PLCL1: variants seen among roughly 807,000 people sequenced by gnomAD.
The protein encoded by PLCL1 is phospholipase C like 1 (inactive), also known as inactive phospholipase C-like protein 1.
A neutral mutation model predicts 84.4 loss-of-function variants in PLCL1; 41 were observed. The observed-to-expected ratio is 0.49, with a 90% confidence interval of 0.38 to 0.63. The LOEUF is 0.63. Ranked by LOEUF, PLCL1 falls within the 30% of genes least tolerant of loss-of-function variation. PLCL1 has a pLI of 0.00. For missense variants in PLCL1, 1,206 were observed against 1,367.8 expected (o/e 0.88, Z 1.87); for synonymous variants, 490 against 488.3 (o/e 1.00, Z -0.05).
In PLCL1 at chr2:197,805,083, C is replaced by A; in HGVS notation, c.-17C>A. 1 of 1,419,552 alleles carries A rather than the reference C, an allele frequency of 7.0e-7. No homozygotes were observed. The highest frequency in any genetic ancestry group is 9.2e-7 in the Non-Finnish European group (1 of 1,092,862). The allele number at this position is 1,419,552 out of a possible 1,614,324, so 87.9% of individuals were successfully genotyped here. On this transcript the variant is annotated 5_prime_UTR_variant, in exon 1 of 6. Coordinates refer to ENST00000428675, the MANE Select transcript of PLCL1 (RefSeq NM_006226.4). This position sits in a 1 kb window ranked among gnomAD's most constrained non-coding sequence, Gnocchi z 4.0. ...GGCGTCCCGCTTTCCCCCGGGGAGC[C>A]CTAAACGCTCCAGGCCATGGCCGAG...
chr2:197,918,982 CAT>C (rs1329010414), intron 1 of PLCL1, among the ~76,000 whole-genome samples: 3 of 151,738 alleles, frequency 2.0e-5, no homozygotes, highest in African/African-American at 4.8e-5. Context: ...CACACACACA[CAT>C]ACACACACAA....
At chr2:198,143,947 G>A (rs554405035) in intron 5 of PLCL1, among the ~76,000 whole-genome samples, 97 of 151,462 alleles carry the variant, frequency 6.4e-4, no homozygotes, top group Non-Finnish European at 1.2e-3. Context: ...TGTCTCCAGG[G>A]TTATCAGGAG....
At position 197,885,722 on chromosome 2, in the gene PLCL1, C is replaced by T. The variant is rs146528427; in HGVS notation, c.240+80383C>T. On this transcript the variant is annotated intron_variant, in intron 1 of 5. Coordinates refer to ENST00000428675, the MANE Select transcript of PLCL1 (RefSeq NM_006226.4). ...CTTTCTAACTTCATGTCCAAGACAT[C>T]CTTTGTTTCGCTATCTAATTATATT... 5.8e-4 allele frequency among the ~76,000 whole-genome samples: 89 copies of T among 152,350 alleles called. 4 individuals carry two copies. In the South Asian group the frequency reaches 0.014, roughly 24 times the overall value.
intron 1 of PLCL1, among the ~76,000 whole-genome samples, chr2:197,895,523 A>T (rs1317943459): frequency 6.6e-6 from 1 of 152,000 alleles, no homozygotes; most frequent in African/African-American, 2.4e-5. Flanking sequence ...ATATTTATAA[A>T]GCAGGTTGTA....
chr2:197,901,871 C>T (rs911187090), intron 1 of PLCL1, among the ~76,000 whole-genome samples: 1 of 152,102 alleles, frequency 6.6e-6, no homozygotes, highest in African/African-American at 2.4e-5. Flanking sequence ...TCCAGGTCCT[C>T]TCATTTCGAC....
chr2:198,125,575 A>G (rs1429414223), intron 5 of PLCL1, among the ~76,000 whole-genome samples: 1 of 152,108 alleles, frequency 6.6e-6, no homozygotes, highest in Non-Finnish European at 1.5e-5. Flanking sequence ...AGAAAAGAAT[A>G]TGTGGGTGGA....
Position 198,088,982 on chromosome 2 carries a change from T to A in PLCL1, c.2840T>A (p.Met947Lys). 6.2e-7 allele frequency: 1 copy of A among 1,613,922 alleles called. No homozygotes were observed. The highest frequency in any genetic ancestry group is 8.5e-7 in the Non-Finnish European group (1 of 1,179,768). The change falls in exon 3 of 6, where the codon ATG becomes AAG. Residue 947 changes from methionine (M) to lysine (K), a missense_variant. Coordinates refer to ENST00000428675, the MANE Select transcript of PLCL1 (RefSeq NM_006226.4). ...SDNTPSVSLVMKDSFPYLEPL... is the reference protein window; with the variant it reads ...SDNTPSVSLVKKDSFPYLEPL... ...AATACTCCTTCAGTCTCACTTGTGA[T>A]GAAAGACAGCTTTCCTTACCTGGAG... is the stretch of plus-strand genomic sequence containing the variant.
At chr2:197,975,431 A>T (rs909224013) in intron 1 of PLCL1, among the ~76,000 whole-genome samples, 1 of 152,108 alleles carries the variant, frequency 6.6e-6, no homozygotes, top group East Asian at 1.9e-4. Context: ...GCCTTAGTTT[A>T]TTCTTCCAGT....
At chr2:197,875,649 T>C (rs1428769553) in intron 1 of PLCL1, among the ~76,000 whole-genome samples, 2 of 152,104 alleles carry the variant, frequency 1.3e-5, no homozygotes, top group Admixed American at 1.3e-4. Context: ...GCTCCCGACA[T>C]AACACCCAAT....
intron 1 of PLCL1, among the ~76,000 whole-genome samples, chr2:197,906,072 TA>T (rs1688375890): frequency 6.6e-6 from 1 of 152,230 alleles, no homozygotes; most frequent in Non-Finnish European, 1.5e-5. Flanking sequence ...TTAGTTTAAT[TA>T]GATCCCATTT....
intron 5 of PLCL1, among the ~76,000 whole-genome samples, chr2:198,126,976 G>A (rs920222159): frequency 6.7e-6 from 1 of 148,858 alleles, no homozygotes; most frequent in Non-Finnish European, 1.5e-5. Flanking sequence ...AGCTAGTACA[G>A]TGAATGAGTG....
At chr2:197,887,622 G>A (rs532730719) in intron 1 of PLCL1, among the ~76,000 whole-genome samples, 1 of 152,156 alleles carries the variant, frequency 6.6e-6, no homozygotes, top group African/African-American at 2.4e-5. Flanking sequence ...AATTTCAGAG[G>A]TACAAGCACA....
intron 1 of PLCL1, among the ~76,000 whole-genome samples, chr2:197,915,378 A>G (rs1019872687): frequency 5.3e-5 from 8 of 152,168 alleles, no homozygotes; most frequent in African/African-American, 1.9e-4. Flanking sequence ...CCATATTTAA[A>G]TGAGGAGCCA....
chr2:197,952,264 T>C (rs1689403411), intron 1 of PLCL1, among the ~76,000 whole-genome samples: 1 of 152,160 alleles, frequency 6.6e-6, no homozygotes, highest in South Asian at 2.1e-4. Context: ...GACTTTTAAC[T>C]TTATTTATGT....
At chr2:197,924,239 C>T (rs779388344) in intron 1 of PLCL1, among the ~76,000 whole-genome samples, 3 of 151,952 alleles carry the variant, frequency 2.0e-5, no homozygotes, top group East Asian at 1.9e-4. Context: ...TTACCCTAGC[C>T]GTAGGCCTGA....
At chr2:197,846,822 G>A (rs895157903) in intron 1 of PLCL1, among the ~76,000 whole-genome samples, 1 of 152,120 alleles carries the variant, frequency 6.6e-6, no homozygotes, top group South Asian at 2.1e-4. Context: ...TGTTGTCAAG[G>A]TGGAGACATA....
chr2:198,132,968 C>T (rs938153710), intron 5 of PLCL1, among the ~76,000 whole-genome samples: 18 of 151,452 alleles, frequency 1.2e-4, no homozygotes, highest in Non-Finnish European at 2.4e-4. Context: ...TTAGGTCTAA[C>T]GTTTAAATCT....
intron 4 of PLCL1, among the ~76,000 whole-genome samples, chr2:198,102,544 C>G (rs1254212944): frequency 2.6e-5 from 4 of 151,990 alleles, no homozygotes; most frequent in African/African-American, 9.7e-5. Flanking sequence ...GTAGGCTTCT[C>G]CAAGCCCATT....
intron 1 of PLCL1, among the ~76,000 whole-genome samples, chr2:197,941,719 A>G (rs1404111193): frequency 6.6e-6 from 1 of 152,122 alleles, no homozygotes; most frequent in Non-Finnish European, 1.5e-5. Context: ...TGTAATTCCC[A>G]CTAATTATGT....
Sources: allele counts gnomAD v4.1 joint callset (sites outside exome capture counted in the v4.1 genomes callset), GRCh38; gene constraint gnomAD v4.1.1; non-coding constraint Gnocchi (gnomAD v3.1); transcripts MANE v1.5; gene names NCBI Gene and HGNC (gene_info 2026-07-23, HGNC 2026-07-21).